The following LRRFIP2 variants were observed in gnomAD, a reference collection of about 807,000 sequenced individuals.
The protein encoded by LRRFIP2 is leucine-rich repeat flightless-interacting protein 2.
In LRRFIP2, 109 loss-of-function variants were observed where a neutral mutation model predicts 125.9. The ratio of observed to expected loss-of-function variants is 0.87; its 90% CI spans 0.74 to 1.01. LRRFIP2 has a LOEUF of 1.01. LRRFIP2 is among the 50% of genes least tolerant of loss of function. The pLI, the probability that LRRFIP2 is intolerant of heterozygous loss-of-function variation, is 0.00. For synonymous variants in LRRFIP2, 291 were observed against 293.1 expected (o/e 0.99, Z 0.07); for missense variants, 850 against 862.3 (o/e 0.99, Z 0.18).
At chr3:37,105,367 A>C (rs2094266274) in intron 14 of LRRFIP2, 88 bp downstream of exon 14, 1 of 1,129,154 alleles carries the variant, frequency 8.9e-7, no homozygotes, top group Admixed American at 1.9e-5. Flanking sequence ...TGTCAAATGC[A>C]AACTTCACTT....
chr3:37,157,609 C>T (rs1423077423), intron 1 of LRRFIP2, among the ~76,000 whole-genome samples: 1 of 151,770 alleles, frequency 6.6e-6, no homozygotes, highest in Non-Finnish European at 1.5e-5. Context: ...ATCAATCCTG[C>T]AAATATCTAA....
At chr3:37,127,830 T>C (rs2095324331) in intron 3 of LRRFIP2, 150 bp from the exon 4 acceptor site, 1 of 649,362 alleles carries the variant, frequency 1.5e-6, no homozygotes, top group Non-Finnish European at 2.8e-6. Flanking sequence ...GTAAGCTAAA[T>C]ATGTTCAATA....
intron 22 of LRRFIP2, 37 bp from the exon 23 acceptor site, chr3:37,065,979 G>C: frequency 1.2e-6 from 2 of 1,613,296 alleles, no homozygotes. Context: ...CAAAAGGCCC[G>C]TATGGAAGCT....
At chr3:37,165,843 A>AAG (rs1180628285) in intron 1 of LRRFIP2, among the ~76,000 whole-genome samples, 2 of 148,878 alleles carry the variant, frequency 1.3e-5, no homozygotes, top group Admixed American at 6.6e-5. Context: ...GAAAGAAAGA[A>AAG]AGAAAGAAAG....
At chr3:37,162,398 G>T (rs1014116940) in intron 1 of LRRFIP2, among the ~76,000 whole-genome samples, 4 of 152,054 alleles carry the variant, frequency 2.6e-5, no homozygotes, top group Non-Finnish European at 5.9e-5. Flanking sequence ...ATTAAGAATG[G>T]CTTCAAGACT....
intron 25 of LRRFIP2, among the ~76,000 whole-genome samples, chr3:37,055,600 C>CA (rs1236693039): frequency 1.3e-5 from 2 of 152,114 alleles, no homozygotes; most frequent in Admixed American, 1.3e-4. Flanking sequence ...CAAATGCACA[C>CA]ACAACAACCA....
chr3:37,055,064 A>G, intron 26 of LRRFIP2, 22 bp downstream of exon 26: 1 of 1,496,302 alleles, frequency 6.7e-7, no homozygotes, highest in East Asian at 2.3e-5. Flanking sequence ...TAAATAACTT[A>G]GTACCATATA....
chr3:37,057,785 TCTC>T (rs2087336599), intron 25 of LRRFIP2, among the ~76,000 whole-genome samples: 3 of 152,050 alleles, frequency 2.0e-5, no homozygotes, highest in South Asian at 2.1e-4. Context: ...AAAATGAAAA[TCTC>T]CTCTGTCCGA....
chr3:37,111,326 C>A (rs936177014), intron 8 of LRRFIP2, among the ~76,000 whole-genome samples: 1 of 152,144 alleles, frequency 6.6e-6, no homozygotes, highest in African/African-American at 2.4e-5. Flanking sequence ...ACAATTTATT[C>A]TCATGCCATA....
chr3:37,087,745 T>C (rs1206387766), intron 18 of LRRFIP2, among the ~76,000 whole-genome samples: 1 of 152,184 alleles, frequency 6.6e-6, no homozygotes, highest in Non-Finnish European at 1.5e-5. Flanking sequence ...CCCGCCACCA[T>C]GCCTGGCTAG....
chr3:37,107,457 G>A (rs1023791035), intron 13 of LRRFIP2, among the ~76,000 whole-genome samples: 4 of 152,108 alleles, frequency 2.6e-5, no homozygotes, highest in Non-Finnish European at 5.9e-5. Context: ...AAAATAAAGA[G>A]CACTCATACG....
In LRRFIP2 at chr3:37,053,599, A is replaced by C. The variant is rs908041560; in HGVS notation, c.*252T>G. On this transcript the variant is annotated 3_prime_UTR_variant, in exon 28 of 28. Transcript: ENST00000336686. Reference sequence around the variant, plus strand: ...AAAAACGTTGAGTAAACATGATTCTACAATTACGGAGATAAAAAATAAAAA... The same window carrying C: ...AAAAACGTTGAGTAAACATGATTCTCCAATTACGGAGATAAAAAATAAAAA... 1.1e-4 allele frequency: 47 copies of C among 418,328 alleles called. No individual in the cohort carries two copies. Among genetic ancestry groups the C allele is most frequent in the Non-Finnish European group, 1.7e-4 (38 of 230,074 alleles). 25.9% of individuals were successfully genotyped at this position (418,328 alleles called of 1,614,324 possible).
At chr3:37,072,031 C>G (rs1251642014) in intron 21 of LRRFIP2, among the ~76,000 whole-genome samples, 1 of 152,166 alleles carries the variant, frequency 6.6e-6, no homozygotes, top group African/African-American at 2.4e-5. Context: ...ACATTCCTAT[C>G]CATTTCTGTA....
rs1478708892 is a variant in LRRFIP2 at position 37,066,119 on chromosome 3, A to C, written c.1566+105T>G. On this transcript the variant is annotated intron_variant, in intron 22 of 27. Coordinates refer to ENST00000336686, the MANE Select transcript of LRRFIP2 (RefSeq NM_006309.4). ...CCTACCAAATCTGGATTAGAGAATAAACACTGTAGTTTGTATTTAGGCTAG... is the reference window on the plus strand; with the variant it reads ...CCTACCAAATCTGGATTAGAGAATACACACTGTAGTTTGTATTTAGGCTAG... 3 of 1,323,990 alleles carry C rather than the reference A, an allele frequency of 2.3e-6. No individual in the cohort carries two copies. The East Asian group carries it at 6.9e-5, about 30-fold the overall frequency. The allele number at this position is 1,323,990 out of a possible 1,614,324, so 82.0% of individuals were successfully genotyped here.
intron 4 of LRRFIP2, among the ~76,000 whole-genome samples, chr3:37,126,382 T>A (rs902143611): frequency 6.6e-6 from 1 of 151,884 alleles, no homozygotes; most frequent in Non-Finnish European, 1.5e-5. Flanking sequence ...GGGTTAGAAG[T>A]GATAATTATT....
At chr3:37,128,288 G>GC (rs1162794822) in intron 3 of LRRFIP2, among the ~76,000 whole-genome samples, 2 of 152,086 alleles carry the variant, frequency 1.3e-5, no homozygotes, top group Non-Finnish European at 2.9e-5. Flanking sequence ...TGTCCCATAG[G>GC]CTTTTGCCCC....
intron 17 of LRRFIP2, among the ~76,000 whole-genome samples, chr3:37,092,376 C>T (rs1223854302): frequency 3.3e-5 from 5 of 152,124 alleles, no homozygotes; most frequent in African/African-American, 1.2e-4. Flanking sequence ...TTATATTTTC[C>T]CTGCCTCCTT....
At chr3:37,054,374 G>T in intron 27 of LRRFIP2, 37 bp downstream of exon 27, 1 of 1,494,274 alleles carries the variant, frequency 6.7e-7, no homozygotes, top group South Asian at 1.2e-5. Flanking sequence ...TTTCTTTTTA[G>T]GAATGTATTC....
chr3:37,066,146 A>G (rs2090095722), intron 22 of LRRFIP2, 78 bp downstream of exon 22: 1 of 1,421,382 alleles, frequency 7.0e-7, no homozygotes, highest in African/African-American at 1.4e-5. Flanking sequence ...TTAGGCTAGG[A>G]AAGATGGCAG....
Sources: allele counts gnomAD v4.1 joint callset (sites outside exome capture counted in the v4.1 genomes callset), GRCh38; gene constraint gnomAD v4.1.1; transcripts MANE v1.5; gene names NCBI Gene and HGNC (gene_info 2026-07-23, HGNC 2026-07-21).